Variants in CUL4B observed in about 807,000 individuals in gnomAD.
CUL4B encodes cullin-4B.
Under a neutral mutation model 69.2 loss-of-function variants are expected in CUL4B, and 1 was observed. The ratio of observed to expected loss-of-function variants is 0.01; its 90% CI spans 0.01 to 0.07. The LOEUF (loss-of-function observed/expected upper bound fraction) is 0.07. Among genes scored for constraint, CUL4B ranks in the 10% least tolerant of loss-of-function variants. The pLI, the probability that CUL4B is intolerant of heterozygous loss-of-function variation, is 1.00. For missense variants in CUL4B, 328 were observed against 638.8 expected (o/e 0.51, Z 5.24); for synonymous variants, 237 against 223.2 (o/e 1.06, Z -0.55).
Position 120,560,354 on chromosome X carries a change from T to C in CUL4B, c.285A>G (p.Val95=). Residue 95 remains valine, a synonymous_variant, in exon 1 of 20, where the codon GTA becomes GTG. Coordinates refer to ENST00000371322, the MANE Select transcript of CUL4B (RefSeq NM_001079872.2). ...LGVSVAASSH[V]PIQKKLRFED... The stretch of plus-strand genomic sequence containing the variant: ...CAAAACGCAGCTTCTTCTGTATCGG[T>C]ACGTGGCTGGAAGCAGCCACTGAAA... 8.3e-7 allele frequency: 1 copy of C among 1,208,292 alleles called. No individual in the cohort carries two copies. Among genetic ancestry groups the C allele is most frequent in the African/African-American group, 1.7e-5 (1 of 57,596 alleles).
At chrX:120,556,215 G>C (rs1286001563) in intron 2 of CUL4B, among the ~76,000 whole-genome samples, 1 of 111,495 alleles carries the variant, frequency 9.0e-6, no homozygotes, top group Non-Finnish European at 1.9e-5. Context: ...TAATAGCTTA[G>C]TACTACAACT....
rs781740692 is a variant in CUL4B at position 120,558,047 on chromosome X, A to G, written c.557-8T>C. 3.6e-6 allele frequency: 4 copies of G among 1,097,236 alleles called. No individual in the cohort carries two copies. The highest frequency in any genetic ancestry group is 3.7e-5 in the South Asian group (2 of 54,147). 90.4% of individuals were successfully genotyped at this position (1,097,236 alleles called of 1,213,427 possible). A position where few individuals can be genotyped will look rare whatever the true frequency, so the allele number is the denominator to read the frequency against. On this transcript the variant is annotated splice_polypyrimidine_tract_variant and splice_region_variant and intron_variant, in intron 1 of 19. Coordinates refer to ENST00000371322, the MANE Select transcript of CUL4B (RefSeq NM_001079872.2). Reference sequence around the variant, plus strand: ...CTGGTAATTTAGGCTTATCTAGATGATATGTAAAAGGTTGGCATCAGAATA... The same window carrying G: ...CTGGTAATTTAGGCTTATCTAGATGGTATGTAAAAGGTTGGCATCAGAATA...
chrX:120,538,639 C>T, intron 13 of CUL4B, 21 bp downstream of exon 13: 1 of 1,009,447 alleles, frequency 9.9e-7, no homozygotes, highest in Non-Finnish European at 1.4e-6. Flanking sequence ...AGAAAAGGAA[C>T]AGAAAGAATG....
intron 2 of CUL4B, among the ~76,000 whole-genome samples, chrX:120,547,980 T>C (rs1028719358): frequency 1.8e-5 from 2 of 110,864 alleles, no homozygotes; most frequent in Non-Finnish European, 3.8e-5. Context: ...CAGCCTATTG[T>C]GGGACCTTGT....
chrX:120,531,915 C>T (rs915768910), intron 18 of CUL4B, among the ~76,000 whole-genome samples: 2 of 111,085 alleles, frequency 1.8e-5, no homozygotes, highest in African/African-American at 3.3e-5. Flanking sequence ...CCAGCCTTTC[C>T]GGAACACAAT....
chrX:120,538,529 T>C (rs1923800839), intron 13 of CUL4B, 131 bp downstream of exon 13: 1 of 513,134 alleles, frequency 1.9e-6, no homozygotes, highest in Non-Finnish European at 3.3e-6. Flanking sequence ...CCTCAGGAGC[T>C]TGCTCAATTT....
chrX:120,525,942 T>G lies in CUL4B; in HGVS notation c.*819A>C, dbSNP rs1922945252. On this transcript the variant is annotated 3_prime_UTR_variant, in exon 20 of 20. Coordinates refer to ENST00000371322, the MANE Select transcript of CUL4B (RefSeq NM_001079872.2). ...CATTTTGGTCTCTTTTGCAATTTTCTTATTGTATTCATTTTTAATATAAAG... is the reference window on the plus strand; with the variant it reads ...CATTTTGGTCTCTTTTGCAATTTTCGTATTGTATTCATTTTTAATATAAAG... 1 of 111,962 alleles carries G rather than the reference T, an allele frequency of 8.9e-6. No homozygotes were observed. Among genetic ancestry groups the G allele is most frequent in the African/African-American group, 3.2e-5 (1 of 30,883 alleles). The allele number at this position is 111,962 out of a possible 1,213,427, so 9.2% of individuals were successfully genotyped here. A position where few individuals can be genotyped will look rare whatever the true frequency, so the allele number is the denominator to read the frequency against.
intron 10 of CUL4B, 142 bp from the exon 11 acceptor site, chrX:120,540,704 T>A (rs1346496404): frequency 2.0e-6 from 1 of 493,642 alleles, no homozygotes; most frequent in Non-Finnish European, 3.3e-6. Context: ...AATCTTGCTA[T>A]GTTGCCCAGG....
Position 120,560,752 on chromosome X carries a change from G to A in CUL4B, c.-114C>T. The stretch of plus-strand genomic sequence containing the variant: ...AGGGGGAAGGGAAGAAAGAAGAGAG[G>A]AGAAACACAGAGGACGAGAAGGAAA... On this transcript the variant is annotated 5_prime_UTR_variant, in exon 1 of 20. Transcript: ENST00000371322. 1.2e-6 allele frequency: 1 copy of A among 840,603 alleles called. No individual in the cohort carries two copies. The highest frequency in any genetic ancestry group is 4.1e-5 in the Admixed American group (1 of 24,626). 69.3% of individuals were successfully genotyped at this position (840,603 alleles called of 1,213,427 possible). A position where few individuals can be genotyped will look rare whatever the true frequency, so the allele number is the denominator to read the frequency against.
chrX:120,566,362 T>G (rs1259031846), upstream of CUL4B, among the ~76,000 whole-genome samples: 1 of 55,949 alleles, frequency 1.8e-5, no homozygotes, highest in Non-Finnish European at 3.8e-5. Flanking sequence ...TATATATATA[T>G]ATATATATAT....
intron 14 of CUL4B, 45 bp from the exon 15 acceptor site, chrX:120,537,079 C>A: frequency 1.1e-6 from 1 of 871,194 alleles, no homozygotes; most frequent in Non-Finnish European, 1.7e-6. Flanking sequence ...AAACTGCATA[C>A]ATTTCATATC....
chrX:120,561,950 A>T (rs765940707), upstream of CUL4B, among the ~76,000 whole-genome samples: 12 of 111,474 alleles, frequency 1.1e-4, no homozygotes, highest in African/African-American at 3.9e-4. Context: ...TAAGGCCTGA[A>T]TTTTGATGCC....
chrX:120,563,256 C>T, upstream of CUL4B, among the ~76,000 whole-genome samples: 1 of 111,889 alleles, frequency 8.9e-6, no homozygotes, highest in Non-Finnish European at 1.9e-5. Context: ...GTTTTGAAGA[C>T]AGAATCTTGC....
chrX:120,546,181 T>C (rs996407967), intron 4 of CUL4B, among the ~76,000 whole-genome samples: 3 of 110,809 alleles, frequency 2.7e-5, no homozygotes, highest in African/African-American at 6.6e-5. Context: ...GGTTTTAAAA[T>C]AGAAAACTCA....
At chrX:120,554,472 G>A (rs1425620586) in intron 2 of CUL4B, among the ~76,000 whole-genome samples, 1 of 112,215 alleles carries the variant, frequency 8.9e-6, no homozygotes, top group African/African-American at 3.2e-5. Flanking sequence ...TCTCAAGGTT[G>A]TCAAGGAAAG....
At chrX:120,528,889 T>C (rs1046878832) in intron 19 of CUL4B, among the ~76,000 whole-genome samples, 1 of 112,190 alleles carries the variant, frequency 8.9e-6, no homozygotes, top group African/African-American at 3.2e-5. Context: ...AGCTCCTGGA[T>C]GACAAAATTC....
rs1923225704 is a variant in CUL4B, at chrX:120,530,176, T to C, written c.2518A>G (p.Met840Val). ...TGGCTAAGTGTCTTTCTCATCTTCATAATTCGAACAATTGCAGCATCAATT... is the reference window on the plus strand; with the variant it reads ...TGGCTAAGTGTCTTTCTCATCTTCACAATTCGAACAATTGCAGCATCAATT... Reference protein sequence around the residue: ...YQIDAAIVRIMKMRKTLSHNL... With the variant: ...YQIDAAIVRIVKMRKTLSHNL... Residue 840 changes from methionine (M) to valine (V), a missense_variant, in exon 19 of 20, where the codon ATG becomes GTG. Coordinates refer to ENST00000371322, the MANE Select transcript of CUL4B (RefSeq NM_001079872.2). The C allele has an allele frequency of 8.3e-7, 1 of 1,206,579 alleles. No homozygotes were observed. The highest frequency in any genetic ancestry group is 1.7e-5 in the African/African-American group (1 of 57,213).
Position 120,527,041 on chromosome X carries a change from G to A in CUL4B, c.2593-185C>T, listed in dbSNP as rs192359681. 6.6e-4 allele frequency among the ~76,000 whole-genome samples: 72 copies of A among 109,399 alleles called. No individual in the cohort carries two copies. The East Asian group carries it at 0.017, about 26-fold the overall frequency. The allele number at this position is 109,399 out of a possible 115,157, so 95.0% of individuals were successfully genotyped here. ...ATGAAAATAAACCAGGTTAAAAAAT[G>A]TTTTATACACGTTGAAGATTCTTTT... On this transcript the variant is annotated intron_variant, in intron 19 of 19. Transcript: ENST00000371322.
At chrX:120,563,395 T>C (rs750535134), upstream of CUL4B, among the ~76,000 whole-genome samples, 4 of 111,427 alleles carry the variant, frequency 3.6e-5, no homozygotes, top group South Asian at 1.5e-3. Context: ...TCACTACGCC[T>C]GCTAATTTTT....
Sources: allele counts gnomAD v4.1 joint callset (sites outside exome capture counted in the v4.1 genomes callset), GRCh38; gene constraint gnomAD v4.1.1; transcripts MANE v1.5; gene names NCBI Gene and HGNC (gene_info 2026-07-23, HGNC 2026-07-21).